Variants in BCR observed in about 807,000 individuals in gnomAD.
The protein encoded by BCR is breakpoint cluster region protein.
A neutral mutation model predicts 138.6 loss-of-function variants in BCR; 58 were observed. That is an observed-to-expected ratio of 0.42 (90% CI 0.34 to 0.52). The LOEUF (loss-of-function observed/expected upper bound fraction) is 0.52, where lower values mean the gene tolerates loss of function less well. Among genes scored for constraint, BCR ranks in the 20% least tolerant of loss-of-function variants. The pLI, the probability that BCR is intolerant of heterozygous loss-of-function variation, is 0.06. For synonymous variants in BCR, 786 were observed against 730.1 expected, an observed-to-expected ratio of 1.08 and a Z score of -1.23; for missense variants, 1,599 against 1,727.2, an observed-to-expected ratio of 0.93 and a Z score of 1.32.
At position 23,311,844 on chromosome 22, in the gene BCR, T is replaced by C; in HGVS notation, c.3322+8T>C. The stretch of plus-strand genomic sequence containing the variant: ...AGGCAGCCTTCGACGTCAGTGAGTG[T>C]TGGCCTGCGCAGGACGGGATGGAGG... On this transcript the variant is annotated splice_region_variant and intron_variant, in intron 19 of 22. Transcript: ENST00000305877. The C allele has an allele frequency of 6.2e-7, 1 of 1,611,640 alleles. No homozygotes were observed. Among genetic ancestry groups the C allele is most frequent in the Non-Finnish European group, 8.5e-7 (1 of 1,179,836 alleles).
At chr22:23,230,590 G>T (rs1253382059) in intron 1 of BCR, among the ~76,000 whole-genome samples, 1 of 152,234 alleles carries the variant, frequency 6.6e-6, no homozygotes, top group East Asian at 1.9e-4. Flanking sequence ...ATTCAGCAGT[G>T]TCCCAGGGTT....
intron 6 of BCR, among the ~76,000 whole-genome samples, chr22:23,272,319 G>A (rs549675754): frequency 9.2e-5 from 14 of 152,274 alleles, no homozygotes; most frequent in East Asian, 7.7e-4. Flanking sequence ...AGCAGCCCCC[G>A]GAGCTTTGTC....
At chr22:23,284,621 T>G (rs2146300449) in intron 9 of BCR, among the ~76,000 whole-genome samples, 1 of 152,278 alleles carries the variant, frequency 6.6e-6, no homozygotes, top group Admixed American at 6.5e-5. Flanking sequence ...ATCAGTCAAC[T>G]CAGAGGAGAG....
At chr22:23,218,748 C>T (rs545625586) in intron 1 of BCR, among the ~76,000 whole-genome samples, 66 of 152,324 alleles carry the variant, frequency 4.3e-4, no homozygotes, top group African/African-American at 1.4e-3. Flanking sequence ...CAGCCTGGTT[C>T]GCCTGCCCTC....
chr22:23,282,875 G>A (rs79424409), intron 8 of BCR, among the ~76,000 whole-genome samples: 2,593 of 152,308 alleles, frequency 0.017, 75 homozygotes, highest in African/African-American at 0.06. Flanking sequence ...TGGCCTCTCT[G>A]CCACGAGGTT....
At chr22:23,292,804 A>T (rs140953392) in intron 15 of BCR, among the ~76,000 whole-genome samples, 166 bp downstream of exon 15, 31 of 151,942 alleles carry the variant, frequency 2.0e-4, no homozygotes, top group Non-Finnish European at 4.0e-4. Flanking sequence ...TGTCCAAGAG[A>T]TTTTATCTCC....
At chr22:23,252,498 T>G (rs1355868595) in intron 1 of BCR, among the ~76,000 whole-genome samples, 3 of 144,478 alleles carry the variant, frequency 2.1e-5, no homozygotes, top group Non-Finnish European at 3.0e-5. Flanking sequence ...TGGTGCAATC[T>G]TGGCTCACTG....
chr22:23,312,620 C>T (rs56024092), intron 19 of BCR: 6 of 515,040 alleles, frequency 1.2e-5, no homozygotes, highest in South Asian at 4.2e-5. Context: ...CCCACGCAGG[C>T]GCTGTGTCCT....
At chr22:23,270,670 A>G (rs1221548309) in intron 5 of BCR, among the ~76,000 whole-genome samples, 1 of 152,266 alleles carries the variant, frequency 6.6e-6, no homozygotes, top group Non-Finnish European at 1.5e-5. Flanking sequence ...TGTTTCCTGC[A>G]GCACAAGAGG....
Position 23,188,735 on chromosome 22 carries a change from C to A in BCR, c.1279+6496C>A, listed in dbSNP as rs1267209862. ...ACCCCAGGGAATATCTTGACCCTGA[C>A]TGGAATACAACTGTTGTGGCTCAAG... On this transcript the variant is annotated intron_variant, in intron 1 of 22. Coordinates refer to ENST00000305877, the MANE Select transcript of BCR (RefSeq NM_004327.4). Among the ~76,000 whole-genome samples, 4 of 151,784 alleles carry A rather than the reference C, an allele frequency of 2.6e-5. No individual in the cohort carries two copies. In the East Asian group the frequency reaches 7.7e-4, roughly 29 times the overall value.
At chr22:23,298,152 G>T (rs1270151324) in intron 16 of BCR, among the ~76,000 whole-genome samples, 2 of 152,230 alleles carry the variant, frequency 1.3e-5, no homozygotes, top group African/African-American at 4.8e-5. Context: ...CAGCCAAGAA[G>T]CAGGGTAGGG....
chr22:23,217,433 C>T (rs1254517668), intron 1 of BCR, among the ~76,000 whole-genome samples: 1 of 152,216 alleles, frequency 6.6e-6, no homozygotes, highest in Admixed American at 6.5e-5. Context: ...CTTCGCCTTG[C>T]TGACCTTGAT....
At chr22:23,314,791 G>T in intron 22 of BCR, 77 bp downstream of exon 22, 1 of 1,544,912 alleles carries the variant, frequency 6.5e-7, no homozygotes, top group Non-Finnish European at 8.9e-7. Flanking sequence ...CCCCAGTCCT[G>T]CCCATCTTCT....
In BCR at chr22:23,314,016, T is replaced by A; in HGVS notation, c.3506T>A (p.Leu1169Gln). 6.2e-7 allele frequency: 1 copy of A among 1,614,040 alleles called. No homozygotes were observed. The highest frequency in any genetic ancestry group is 8.5e-7 in the Non-Finnish European group (1 of 1,180,024). ...GAGAGCTGCATGCTCAACCTGCTGCTGTCCCTGCCGGAGGCCAACCTGCTC... is the reference window on the plus strand; with the variant it reads ...GAGAGCTGCATGCTCAACCTGCTGCAGTCCCTGCCGGAGGCCAACCTGCTC... ...AKESCMLNLL[L>Q]SLPEANLLTF... Residue 1169 changes from leucine (L) to glutamine (Q), a missense_variant, in exon 21 of 23, where the codon CTG becomes CAG. Coordinates refer to ENST00000305877, the MANE Select transcript of BCR (RefSeq NM_004327.4).
rs748423005 is a variant in BCR at position 23,261,345 on chromosome 22, C to T, written c.1567-10C>T. The stretch of plus-strand genomic sequence containing the variant: ...CTCACCTGTGCTACCTCACTTGTGC[C>T]CTCTTCCAGCCCATGAAGCCTTTGA... On this transcript the variant is annotated splice_polypyrimidine_tract_variant and intron_variant, in intron 3 of 22. Transcript: ENST00000305877. 5.6e-6 allele frequency: 9 copies of T among 1,608,918 alleles called. No homozygotes were observed. In the East Asian group the frequency reaches 1.6e-4, roughly 28 times the overall value.
intron 1 of BCR, among the ~76,000 whole-genome samples, chr22:23,242,349 T>A (rs1397735857): frequency 6.6e-6 from 1 of 152,156 alleles, no homozygotes; most frequent in Non-Finnish European, 1.5e-5. Flanking sequence ...CCATCTCAGG[T>A]GATAAGGGCT....
intron 8 of BCR, among the ~76,000 whole-genome samples, chr22:23,281,362 C>T (rs542230892): frequency 9.2e-5 from 14 of 152,340 alleles, no homozygotes; most frequent in African/African-American, 3.1e-4. Flanking sequence ...ATTGTGACCC[C>T]GGCCCACCCT....
intron 1 of BCR, among the ~76,000 whole-genome samples, chr22:23,194,819 T>TA (rs924107032): frequency 6.6e-6 from 1 of 152,098 alleles, no homozygotes; most frequent in Admixed American, 6.5e-5. Context: ...CATGTGCCCG[T>TA]AATCTCAGCT....
chr22:23,316,215 A>C lies in BCR; in HGVS notation c.*693A>C, dbSNP rs1447174304. On this transcript the variant is annotated 3_prime_UTR_variant, in exon 23 of 23. Coordinates refer to ENST00000305877, the MANE Select transcript of BCR (RefSeq NM_004327.4). ...ACAGGACCCCCAGGGAGGGAACCCC[A>C]GGCTACGCACTTTAGGGTTCGTTCT... The C allele has an allele frequency of 2.4e-5, 4 of 167,534 alleles. No individual in the cohort carries two copies. The highest frequency in any genetic ancestry group is 1.1e-4 in the East Asian group (1 of 8,904). The allele number at this position is 167,534 out of a possible 1,614,324, so 10.4% of individuals were successfully genotyped here.
Sources: gnomAD v4.1 joint callset for allele counts (sites outside exome capture counted in the v4.1 genomes callset) on GRCh38, gnomAD v4.1.1 for gene constraint, MANE v1.5 for transcripts, NCBI Gene and HGNC (gene_info 2026-07-23, HGNC 2026-07-21) for gene names.